The following XKR5 variants were observed in gnomAD, a reference collection of about 807,000 sequenced individuals.
XKR5 encodes XK-related protein 5.
A neutral mutation model predicts 40.8 loss-of-function variants in XKR5; 46 were observed. That is an observed-to-expected ratio of 1.13 (90% CI 0.89 to 1.44). The LOEUF (loss-of-function observed/expected upper bound fraction) is 1.44. XKR5 is among the 40% of genes most tolerant of loss of function. The probability of loss-of-function intolerance (pLI) is 0.00; values close to 1 mark genes in which losing one functional copy is unlikely to be tolerated. For synonymous variants in XKR5, 466 were observed against 356.1 expected (o/e 1.31, Z -3.48); for missense variants, 1,169 against 844.7 (o/e 1.38, Z -4.76).
intron 1 of XKR5, 58 bp downstream of exon 1, chr8:6,835,378 C>G: frequency 7.4e-7 from 1 of 1,357,780 alleles, no homozygotes. Flanking sequence ...CGGCTCCCGG[C>G]GCCGGGGTGG....
In XKR5 at chr8:6,812,156, C is replaced by A. The variant is rs530569507; in HGVS notation, c.1103G>T (p.Ser368Ile). The A allele has an allele frequency of 1.9e-6, 3 of 1,551,464 alleles. No individual in the cohort carries two copies. Among genetic ancestry groups the A allele is most frequent in the Non-Finnish European group, 2.6e-6 (3 of 1,147,014 alleles). ...CTTCCCTAAAATGGTTGGTTCATAA[C>A]TTGCCCCTTGGCATGAGCCTGAGCT... ...TESSGSCQGASYEPTILGKPP... is the reference protein window; with the variant it reads ...TESSGSCQGAIYEPTILGKPP... The change falls in exon 7 of 7, where the codon AGT becomes ATT. Residue 368 changes from serine (S) to isoleucine (I), a missense_variant. By Grantham distance (142) the Ser-to-Ile change is moderately radical. Transcript: ENST00000618742.
intron 1 of XKR5, among the ~76,000 whole-genome samples, chr8:6,833,497 G>A (rs1263556956): frequency 2.0e-5 from 3 of 152,294 alleles, no homozygotes; most frequent in East Asian, 3.9e-4. Context: ...TTGGGAGGCC[G>A]AGGTGGGCAG....
intron 5 of XKR5, among the ~76,000 whole-genome samples, 173 bp downstream of exon 5, chr8:6,821,696 C>T (rs770159918): frequency 2.7e-4 from 41 of 152,174 alleles, no homozygotes; most frequent in Non-Finnish European, 5.4e-4. Context: ...CAAAGCCTGT[C>T]ATCTCTGTTC....
Position 6,825,343 on chromosome 8 carries a change from C to A in XKR5, c.249G>T (p.Trp83Cys). 1 of 1,561,472 alleles carries A rather than the reference C, an allele frequency of 6.4e-7. No individual in the cohort carries two copies. Among genetic ancestry groups the A allele is most frequent in the Non-Finnish European group, 8.6e-7 (1 of 1,158,722 alleles). ...LLQLGVWKRH[W>C]DAALTSLQKE... ...TCTGCAGACTGGTCAGTGCAGCGTCCCAGTGCCTAGGGAACAGCAGAGGGC... is the reference window on the plus strand; with the variant it reads ...TCTGCAGACTGGTCAGTGCAGCGTCACAGTGCCTAGGGAACAGCAGAGGGC... Residue 83 changes from tryptophan to cysteine, a missense_variant, in exon 3 of 7, where the codon TGG (tryptophan) becomes TGT (cysteine). Coordinates refer to ENST00000618742, the MANE Select transcript of XKR5 (RefSeq NM_207411.5).
intron 1 of XKR5, among the ~76,000 whole-genome samples, chr8:6,835,078 G>C (rs987389420): frequency 6.6e-6 from 1 of 152,166 alleles, no homozygotes; most frequent in Admixed American, 6.5e-5. Flanking sequence ...CAAAGCTTGT[G>C]ATGGAAGGAA....
intron 6 of XKR5, among the ~76,000 whole-genome samples, chr8:6,814,146 C>T (rs1465155322): frequency 1.1e-4 from 16 of 152,208 alleles, no homozygotes; most frequent in Admixed American, 2.6e-4. Flanking sequence ...CCGGGCAGCG[C>T]GATGTCCTCA....
chr8:6,830,691 AG>A (rs1314359845), intron 2 of XKR5, among the ~76,000 whole-genome samples: 1 of 152,222 alleles, frequency 6.6e-6, no homozygotes, highest in East Asian at 1.9e-4. Flanking sequence ...TTTCAAAACA[AG>A]AATAAATATA....
At chr8:6,834,280 C>A (rs1404569558) in intron 1 of XKR5, among the ~76,000 whole-genome samples, 1 of 152,234 alleles carries the variant, frequency 6.6e-6, no homozygotes, top group Non-Finnish European at 1.5e-5. Context: ...TTTAGGGAAA[C>A]TGGGAAAACT....
intron 2 of XKR5, among the ~76,000 whole-genome samples, chr8:6,826,174 T>A (rs1216779566): frequency 6.6e-6 from 1 of 150,536 alleles, no homozygotes; most frequent in Non-Finnish European, 1.5e-5. Flanking sequence ...CATGTATGCA[T>A]GTGTGTGTGC....
intron 2 of XKR5, among the ~76,000 whole-genome samples, chr8:6,826,152 T>C (rs986415916): frequency 2.0e-5 from 3 of 152,204 alleles, no homozygotes; most frequent in Non-Finnish European, 4.4e-5. Flanking sequence ...TGTGTGTATG[T>C]ATCTGCATGT....
In XKR5 at chr8:6,811,149, T is replaced by C. The variant is rs951589488; in HGVS notation, c.*49A>G. 2.7e-6 allele frequency: 4 copies of C among 1,485,198 alleles called. No homozygotes were observed. The African/African-American group carries it at 5.6e-5, about 21-fold the overall frequency. The allele number at this position is 1,485,198 out of a possible 1,614,324, so 92.0% of individuals were successfully genotyped here. A position where few individuals can be genotyped will look rare whatever the true frequency, so the allele number is the denominator to read the frequency against. On this transcript the variant is annotated 3_prime_UTR_variant, in exon 7 of 7. Transcript: ENST00000618742. ...GGATTTCCTTTCTCACGGTACCAAA[T>C]GGCCAGCTTGGTTTGTCAGCCTGTT...
intron 2 of XKR5, 129 bp downstream of exon 2, chr8:6,832,588 G>C: frequency 8.4e-7 from 1 of 1,196,562 alleles, no homozygotes; most frequent in Admixed American, 2.5e-5. Flanking sequence ...GGTTTGCTGT[G>C]GCCGCTTTGA....
intron 1 of XKR5, among the ~76,000 whole-genome samples, chr8:6,833,810 A>T (rs1281400822): frequency 6.6e-6 from 1 of 152,210 alleles, no homozygotes; most frequent in African/African-American, 2.4e-5. Context: ...AGCCTCTGGC[A>T]ACAGGGACAG....
At chr8:6,813,389 G>A (rs1803822728) in intron 6 of XKR5, among the ~76,000 whole-genome samples, 1 of 152,132 alleles carries the variant, frequency 6.6e-6, no homozygotes, top group Non-Finnish European at 1.5e-5. Flanking sequence ...ATGAACAAAG[G>A]CCCCTGATCA....
intron 2 of XKR5, among the ~76,000 whole-genome samples, chr8:6,828,495 C>T (rs1804621040): frequency 1.3e-5 from 2 of 152,210 alleles, no homozygotes; most frequent in Admixed American, 6.5e-5. Flanking sequence ...AACGAGCTGT[C>T]TCGAACCCAT....
Position 6,811,565 on chromosome 8 carries a change from G to A in XKR5, c.1694C>T (p.Thr565Met), listed in dbSNP as rs376128988. 274 of 1,536,904 alleles carry A rather than the reference G, an allele frequency of 1.8e-4. 1 individual carries two copies. The highest frequency in any genetic ancestry group is 2.3e-4 in the African/African-American group (17 of 73,174). ...QQEGSPATLQ[T>M]AHSGRRLGKS... ...TCCCAGCCTCCTTCCAGAGTGGGCC[G>A]TTTGCAGAGTAGCTGGGCTGCCTTC... Residue 565 changes from threonine to methionine, a missense_variant, in exon 7 of 7, where the codon ACG becomes ATG. Transcript: ENST00000618742.
At chr8:6,819,230 C>T (rs1455768413) in intron 5 of XKR5, among the ~76,000 whole-genome samples, 1 of 152,222 alleles carries the variant, frequency 6.6e-6, no homozygotes, top group Non-Finnish European at 1.5e-5. Context: ...CATCCAGGGC[C>T]TGGGGTCTGG....
intron 5 of XKR5, 32 bp from the exon 6 acceptor site, chr8:6,815,950 C>A: frequency 6.6e-7 from 1 of 1,511,904 alleles, no homozygotes; most frequent in South Asian, 1.2e-5. Context: ...CACCACACCT[C>A]GTCAGGTGCA....
chr8:6,819,143 C>A (rs1442415528), intron 5 of XKR5, among the ~76,000 whole-genome samples: 1 of 152,218 alleles, frequency 6.6e-6, no homozygotes, highest in Admixed American at 6.5e-5. Flanking sequence ...CATAGCTGAG[C>A]GATGCTTGGG....
Sources: gnomAD v4.1 joint callset for allele counts (sites outside exome capture counted in the v4.1 genomes callset) on GRCh38, gnomAD v4.1.1 for gene constraint, MANE v1.5 for transcripts, NCBI Gene and HGNC (gene_info 2026-07-23, HGNC 2026-07-21) for gene names.